The following LAMC1 variants were observed in gnomAD, a reference collection of about 807,000 sequenced individuals.
LAMC1 encodes the protein laminin subunit gamma 1.
Under a neutral mutation model 173.6 loss-of-function variants are expected in LAMC1, and 38 were observed. The observed-to-expected ratio is 0.22, with a 90% CI of 0.17 to 0.29. The LOEUF (loss-of-function observed/expected upper bound fraction) is 0.29, where lower values mean the gene tolerates loss of function less well. Among genes scored for constraint, LAMC1 ranks in the 10% least tolerant of loss-of-function variants. LAMC1 has a pLI of 1.00. For synonymous variants in LAMC1, 746 were observed against 749.1 expected (o/e 1.00, Z 0.07); for missense variants, 1,824 against 2,051.8 (o/e 0.89, Z 2.14).
intron 20 of LAMC1, 63 bp downstream of exon 20, chr1:183,131,441 G>GTA: frequency 9.9e-7 from 1 of 1,009,386 alleles, no homozygotes; most frequent in Middle Eastern, 2.1e-4. Flanking sequence ...GTGTGTGTGT[G>GTA]TGTGTGTGTG....
chr1:183,142,630 A>G lies in LAMC1; in HGVS notation c.4670A>G (p.Lys1557Arg). Residue 1557 changes from lysine to arginine, a missense_variant, in exon 28 of 28, where the codon AAA becomes AGA. Lys to Arg is a conservative substitution (Grantham distance 26, BLOSUM62 2). Transcript: ENST00000258341. Reference sequence around the variant, plus strand: ...ATGAAGGTCAGCGATCTTGATAGGAAAGTGTCTGACCTGGAGAATGAAGCC... The same window carrying G: ...ATGAAGGTCAGCGATCTTGATAGGAGAGTGTCTGACCTGGAGAATGAAGCC... ...DEMKVSDLDR[K>R]VSDLENEAKK... 5 of 1,614,170 alleles carry G rather than the reference A, an allele frequency of 3.1e-6. No homozygotes were observed. The South Asian group carries it at 5.5e-5, about 18-fold the overall frequency.
intron 1 of LAMC1, among the ~76,000 whole-genome samples, chr1:183,095,766 A>G (rs1655676977): frequency 6.6e-6 from 1 of 152,180 alleles, no homozygotes; most frequent in Non-Finnish European, 1.5e-5. Flanking sequence ...GGTTTGGGTT[A>G]ATAAGGCATA....
chr1:183,117,415 T>C lies in LAMC1; in HGVS notation c.1660T>C (p.Tyr554His). 6.2e-7 allele frequency: 1 copy of C among 1,613,908 alleles called. No individual in the cohort carries two copies. Among genetic ancestry groups the C allele is most frequent in the Non-Finnish European group, 8.5e-7 (1 of 1,179,768 alleles). The change falls in exon 9 of 28, where the codon TAC becomes CAC. Residue 554 changes from tyrosine (Y) to histidine (H), a missense_variant. By Grantham distance (83) the Tyr-to-His change is moderately conservative. Transcript: ENST00000258341. ...RQDIAVISDS[Y>H]FPRYFIAPAK... ...AGATATCGCCGTGATCTCAGACAGC[T>C]ACTTTCCTCGGTACTTCATTGCTCC...
chr1:183,108,220 T>C lies in LAMC1; in HGVS notation c.724-56T>C. ...GATTTAGAACATTTTGTCACATTTA[T>C]ATCATTTTCAGTCCCTCCACTTCTC... On this transcript the variant is annotated intron_variant, in intron 2 of 27. Transcript: ENST00000258341. 2.6e-6 allele frequency: 4 copies of C among 1,543,720 alleles called. No individual in the cohort carries two copies. In the Admixed American group the frequency reaches 5.1e-5, roughly 20 times the overall value.
chr1:183,131,464 G>GTGTGTGT, intron 20 of LAMC1, 86 bp downstream of exon 20: 1 of 262,716 alleles, frequency 3.8e-6, no homozygotes, highest in Non-Finnish European at 5.7e-6. Context: ...TGTGTGTATT[G>GTGTGTGT]TCTTATCCCA....
chr1:183,125,338 A>T (rs1405311938), intron 14 of LAMC1, 59 bp from the exon 15 acceptor site: 1 of 1,572,934 alleles, frequency 6.4e-7, no homozygotes, highest in African/African-American at 1.4e-5. Context: ...GGTTGTTTAT[A>T]TTTTAGTATT....
At chr1:183,029,776 A>C (rs1653801545) in intron 1 of LAMC1, among the ~76,000 whole-genome samples, 2 of 152,214 alleles carry the variant, frequency 1.3e-5, no homozygotes, top group Admixed American at 1.3e-4. Context: ...GAAGTTTTTG[A>C]AGGACGAGTC....
chr1:183,131,204 T>G, intron 19 of LAMC1, 95 bp from the exon 20 acceptor site: 1 of 847,574 alleles, frequency 1.2e-6, no homozygotes, highest in South Asian at 1.5e-5. Flanking sequence ...AGAGGCATTC[T>G]TTTTGCCCTC....
Position 183,142,625 on chromosome 1 carries a change from T to C in LAMC1, c.4665T>C (p.Asp1555=), listed in dbSNP as rs1657146693. 6.2e-7 allele frequency: 1 copy of C among 1,613,988 alleles called. No individual in the cohort carries two copies. The highest frequency in any genetic ancestry group is 8.5e-7 in the Non-Finnish European group (1 of 1,180,002). The part of the protein sequence containing the change: ...AKDEMKVSDL[D]RKVSDLENEA... ...ATGAAATGAAGGTCAGCGATCTTGA[T>C]AGGAAAGTGTCTGACCTGGAGAATG... is the stretch of plus-strand genomic sequence containing the variant. Residue 1555 remains aspartate (D), a synonymous_variant, in exon 28 of 28, where the codon GAT becomes GAC. Transcript: ENST00000258341.
chr1:183,073,957 T>C (rs1266108998), intron 1 of LAMC1, among the ~76,000 whole-genome samples: 1 of 152,216 alleles, frequency 6.6e-6, no homozygotes, highest in Non-Finnish European at 1.5e-5. Context: ...CTTGTAATTC[T>C]GGAACTAAAA....
chr1:183,103,086 C>T (rs1020002616), intron 1 of LAMC1, among the ~76,000 whole-genome samples: 1 of 152,170 alleles, frequency 6.6e-6, no homozygotes, highest in East Asian at 1.9e-4. Flanking sequence ...GTTTTCATTG[C>T]ACACAACATT....
chr1:183,124,372 A>G (rs1318756875), intron 13 of LAMC1, among the ~76,000 whole-genome samples: 1 of 152,194 alleles, frequency 6.6e-6, no homozygotes, highest in Non-Finnish European at 1.5e-5. Context: ...TTAATACATG[A>G]TTTGGGTTGA....
At chr1:183,087,548 AC>A (rs569212843) in intron 1 of LAMC1, among the ~76,000 whole-genome samples, 1 of 152,170 alleles carries the variant, frequency 6.6e-6, no homozygotes, top group Non-Finnish European at 1.5e-5. Context: ...TAGAAATCTA[AC>A]CCCACACACT....
intron 1 of LAMC1, among the ~76,000 whole-genome samples, chr1:183,098,734 C>G (rs1235435644): frequency 6.6e-6 from 1 of 152,194 alleles, no homozygotes; most frequent in African/African-American, 2.4e-5. Flanking sequence ...CAGTAGAACT[C>G]GAATTTTAAC....
intron 4 of LAMC1, among the ~76,000 whole-genome samples, chr1:183,111,118 A>G (rs569576240): frequency 6.8e-6 from 1 of 147,154 alleles, no homozygotes; most frequent in African/African-American, 2.5e-5. Context: ...TTTGAGACTG[A>G]GTCTCACTCT....
intron 4 of LAMC1, among the ~76,000 whole-genome samples, chr1:183,111,726 C>T (rs369036470): frequency 8.5e-5 from 13 of 152,086 alleles, no homozygotes; most frequent in African/African-American, 3.1e-4. Flanking sequence ...AAAGAAGATA[C>T]TCTTAACTTG....
intron 1 of LAMC1, among the ~76,000 whole-genome samples, chr1:183,040,658 C>T (rs556903664): frequency 1.6e-4 from 24 of 152,308 alleles, no homozygotes; most frequent in African/African-American, 5.5e-4. Context: ...TGGAGCAGCT[C>T]ATCTTGACTG....
At chr1:183,042,022 G>A (rs1307311110) in intron 1 of LAMC1, among the ~76,000 whole-genome samples, 1 of 152,130 alleles carries the variant, frequency 6.6e-6, no homozygotes, top group Non-Finnish European at 1.5e-5. Context: ...TTCCTCACCA[G>A]CATTGTTAGA....
chr1:183,136,914 G>T (rs554354858), intron 25 of LAMC1, among the ~76,000 whole-genome samples: 1 of 152,168 alleles, frequency 6.6e-6, no homozygotes, highest in South Asian at 2.1e-4. Context: ...TAGACAGGTG[G>T]TATTTATTTC....
Sources: gnomAD v4.1 joint callset for allele counts (sites outside exome capture counted in the v4.1 genomes callset) on GRCh38, gnomAD v4.1.1 for gene constraint, MANE v1.5 for transcripts, NCBI Gene and HGNC (gene_info 2026-07-23, HGNC 2026-07-21) for gene names.